Variants in VPS13B observed in about 807,000 individuals in gnomAD.
VPS13B encodes the protein intermembrane lipid transfer protein VPS13B.
Under a neutral mutation model 426.4 loss-of-function variants are expected in VPS13B, and 285 were observed. That is an observed-to-expected ratio of 0.67 (90% confidence interval 0.61 to 0.74). VPS13B has a LOEUF of 0.74. Ranked by LOEUF, VPS13B falls within the 30% of genes least tolerant of loss-of-function variation. The probability of loss-of-function intolerance (pLI) is 0.00; values close to 1 mark genes in which losing one functional copy is unlikely to be tolerated. For missense variants in VPS13B, 4,537 were observed against 4,782.6 expected (o/e 0.95, Z 1.51); for synonymous variants, 1,676 against 1,676.4 (o/e 1.00, Z 0.01).
At chr8:99,506,863 A>C (rs780592445) in intron 27 of VPS13B, among the ~76,000 whole-genome samples, 3 of 152,248 alleles carry the variant, frequency 2.0e-5, no homozygotes, top group Non-Finnish European at 4.4e-5. Flanking sequence ...TCTTTAAAAA[A>C]GAAAAATAGA....
intron 23 of VPS13B, among the ~76,000 whole-genome samples, chr8:99,450,541 T>C (rs888539045): frequency 9.2e-5 from 14 of 151,994 alleles, no homozygotes; most frequent in African/African-American, 1.9e-4. Flanking sequence ...GGTGAAACCC[T>C]GTCTCTACTA....
At chr8:99,275,017 A>G (rs1374631769) in intron 18 of VPS13B, 64 bp from the exon 19 acceptor site, 1 of 1,406,286 alleles carries the variant, frequency 7.1e-7, no homozygotes, top group Non-Finnish European at 9.6e-7. Context: ...ATATTTTAAA[A>G]TCAAACATTC....
In VPS13B at chr8:99,572,431, G is replaced by A. The variant is rs548481735; in HGVS notation, c.4950-3227G>A. On this transcript the variant is annotated intron_variant, in intron 31 of 61. Coordinates refer to ENST00000357162, the MANE Select transcript of VPS13B (RefSeq NM_152564.5). ...ACCCATTAACTCATCATTTACATTG[G>A]GTATATCTCCTAATGCTTTCCCTCC... Among the ~76,000 whole-genome samples, 53 of 152,118 alleles carry A rather than the reference G, an allele frequency of 3.5e-4. 1 individual carries two copies. The South Asian group carries it at 9.8e-3, about 28-fold the overall frequency.
chr8:99,594,627 T>C (rs1826898880), intron 33 of VPS13B, among the ~76,000 whole-genome samples: 1 of 152,026 alleles, frequency 6.6e-6, no homozygotes, highest in Non-Finnish European at 1.5e-5. Context: ...TATGCTCCAA[T>C]GTCCTATTTA....
chr8:99,507,020 T>G (rs1289907481), intron 27 of VPS13B, 117 bp from the exon 28 acceptor site: 6 of 1,043,190 alleles, frequency 5.8e-6, no homozygotes, highest in Non-Finnish European at 8.9e-6. Flanking sequence ...GTCAGATTTA[T>G]GTTTTAGTTC....
intron 44 of VPS13B, among the ~76,000 whole-genome samples, chr8:99,813,127 C>T (rs1470152892): frequency 6.6e-6 from 1 of 152,186 alleles, no homozygotes; most frequent in Non-Finnish European, 1.5e-5. Flanking sequence ...CTGGAACAGC[C>T]GTGCAAGCAC....
chr8:99,292,150 A>T (rs1397331897), intron 19 of VPS13B, among the ~76,000 whole-genome samples: 2 of 152,132 alleles, frequency 1.3e-5, no homozygotes, highest in Non-Finnish European at 2.9e-5. Context: ...TTAGCCTTAG[A>T]ATAACAAATG....
chr8:99,029,547 G>A (rs1422608814), intron 2 of VPS13B, among the ~76,000 whole-genome samples: 3 of 152,138 alleles, frequency 2.0e-5, no homozygotes, highest in Non-Finnish European at 4.4e-5. Flanking sequence ...CGAGGCTGGT[G>A]GATCACTCGC....
At chr8:99,117,551 T>C (rs1354442531) in intron 7 of VPS13B, among the ~76,000 whole-genome samples, 1 of 152,212 alleles carries the variant, frequency 6.6e-6, no homozygotes. Context: ...GAAATGTCTG[T>C]CAACTGATGA....
intron 54 of VPS13B, among the ~76,000 whole-genome samples, chr8:99,843,665 T>C (rs1026372961): frequency 1.3e-5 from 2 of 152,248 alleles, no homozygotes; most frequent in Non-Finnish European, 2.9e-5. Context: ...GCACATATTG[T>C]GGGGTCTATA....
At chr8:99,402,970 A>G (rs888682949) in intron 21 of VPS13B, among the ~76,000 whole-genome samples, 2 of 152,238 alleles carry the variant, frequency 1.3e-5, no homozygotes, top group African/African-American at 4.8e-5. Context: ...ACATTCCTAA[A>G]TTAAATTAGA....
chr8:99,320,742 A>T (rs1016279690), intron 19 of VPS13B, among the ~76,000 whole-genome samples: 11 of 152,196 alleles, frequency 7.2e-5, no homozygotes, highest in African/African-American at 2.7e-4. Flanking sequence ...TTAAAATTTT[A>T]ACTTAAATAT....
intron 17 of VPS13B, among the ~76,000 whole-genome samples, chr8:99,256,161 C>T (rs1213850123): frequency 1.3e-5 from 2 of 152,096 alleles, no homozygotes; most frequent in Non-Finnish European, 2.9e-5. Context: ...TTCTGGGTTG[C>T]TGGCTTCTAG....
At chr8:99,439,339 G>T (rs181145111) in intron 22 of VPS13B, among the ~76,000 whole-genome samples, 1 of 152,042 alleles carries the variant, frequency 6.6e-6, no homozygotes, top group Non-Finnish European at 1.5e-5. Context: ...TTATGTTCTC[G>T]TGAGAATTCT....
intron 3 of VPS13B, among the ~76,000 whole-genome samples, chr8:99,056,855 C>T (rs1016856282): frequency 2.6e-5 from 4 of 152,180 alleles, no homozygotes; most frequent in African/African-American, 7.2e-5. Flanking sequence ...TCCATCTACA[C>T]AGTACGCTTC....
intron 19 of VPS13B, among the ~76,000 whole-genome samples, chr8:99,365,881 A>G (rs2133249013): frequency 6.6e-6 from 1 of 151,146 alleles, no homozygotes; most frequent in African/African-American, 2.4e-5. Flanking sequence ...TTTAATTTTC[A>G]TATGTTCCCA....
chr8:99,842,170 A>G (rs1038276000), intron 54 of VPS13B, among the ~76,000 whole-genome samples: 2 of 152,214 alleles, frequency 1.3e-5, no homozygotes, highest in African/African-American at 4.8e-5. Context: ...CCAAAATGGG[A>G]GATGATATTT....
intron 5 of VPS13B, among the ~76,000 whole-genome samples, chr8:99,106,484 A>C (rs930634013): frequency 1.3e-5 from 2 of 151,082 alleles, no homozygotes; most frequent in Non-Finnish European, 3.0e-5. Flanking sequence ...CAAAAAACCC[A>C]TATAGCTAAA....
chr8:99,084,601 T>A (rs920502928), intron 3 of VPS13B, among the ~76,000 whole-genome samples: 1 of 152,142 alleles, frequency 6.6e-6, no homozygotes, highest in Non-Finnish European at 1.5e-5. Context: ...AGCGCTATAA[T>A]TTTCCCTCTA....
Sources: gnomAD v4.1 joint callset for allele counts (sites outside exome capture counted in the v4.1 genomes callset) on GRCh38, gnomAD v4.1.1 for gene constraint, MANE v1.5 for transcripts, NCBI Gene and HGNC (gene_info 2026-07-23, HGNC 2026-07-21) for gene names.